PARVA: variants seen among roughly 807,000 people sequenced by gnomAD.
PARVA encodes parvin alpha.
Under a neutral mutation model 52.6 loss-of-function variants are expected in PARVA, and 25 were observed. The ratio of observed to expected loss-of-function variants is 0.48; its 90% CI spans 0.35 to 0.66. The LOEUF (loss-of-function observed/expected upper bound fraction) is 0.66, where lower values mean the gene tolerates loss of function less well. Among genes scored for constraint, PARVA ranks in the 30% least tolerant of loss-of-function variants. PARVA has a pLI of 0.01. For synonymous variants in PARVA, 185 were observed against 179.1 expected (o/e 1.03, Z -0.26); for missense variants, 373 against 450.9 (o/e 0.83, Z 1.56).
At chr11:12,377,920 C>T (rs143569439) in intron 1 of PARVA, 137 bp downstream of exon 1, 4,885 of 320,330 alleles carry the variant, frequency 0.015, 67 homozygotes, top group Non-Finnish European at 0.02. Context: ...TGCGTGCGCG[C>T]GCTTCCCGGG....
chr11:12,467,485 A>G (rs1490297020), intron 1 of PARVA, among the ~76,000 whole-genome samples: 1 of 152,218 alleles, frequency 6.6e-6, no homozygotes, highest in African/African-American at 2.4e-5. Flanking sequence ...TTCTCAACAT[A>G]ATGTATGATG....
At chr11:12,518,380 C>T in intron 11 of PARVA, 65 bp from the exon 12 acceptor site, 5 of 1,262,862 alleles carry the variant, frequency 4.0e-6, no homozygotes, top group Non-Finnish European at 5.8e-6. Context: ...CCTTCACTTC[C>T]CAGGGCCAGG....
intron 1 of PARVA, among the ~76,000 whole-genome samples, chr11:12,391,583 C>T (rs993958048): frequency 7.2e-5 from 11 of 152,186 alleles, no homozygotes; most frequent in East Asian, 3.8e-4. Context: ...TCAGTTTTCA[C>T]GTGAGTGTGG....
intron 1 of PARVA, among the ~76,000 whole-genome samples, chr11:12,453,243 C>T (rs1166566958): frequency 6.6e-6 from 1 of 151,744 alleles, no homozygotes; most frequent in Non-Finnish European, 1.5e-5. Context: ...GTGGGGGTGT[C>T]TGATATTTAG....
intron 1 of PARVA, among the ~76,000 whole-genome samples, chr11:12,384,005 T>C (rs762823436): frequency 1.4e-4 from 21 of 152,094 alleles, no homozygotes; most frequent in Non-Finnish European, 2.6e-4. Flanking sequence ...CTTTCTACCA[T>C]ATCTGGCCAG....
chr11:12,377,539 A>G, upstream of PARVA: 1 of 1,462,454 alleles, frequency 6.8e-7, no homozygotes, highest in Non-Finnish European at 9.1e-7. Flanking sequence ...TGCTTGGAAT[A>G]ATTCCGCTTC....
intron 10 of PARVA, among the ~76,000 whole-genome samples, chr11:12,516,054 G>T (rs1461809165): frequency 6.6e-6 from 1 of 152,154 alleles, no homozygotes; most frequent in African/African-American, 2.4e-5. Context: ...GCCCAGGCCA[G>T]TCTGGAACTC....
intron 1 of PARVA, among the ~76,000 whole-genome samples, chr11:12,424,875 C>T (rs781007755): frequency 6.6e-5 from 10 of 152,170 alleles, no homozygotes; most frequent in Non-Finnish European, 1.2e-4. Context: ...CTAATCATTT[C>T]CCTATGTGCT....
intron 1 of PARVA, among the ~76,000 whole-genome samples, chr11:12,379,298 G>T (rs544144205): frequency 6.6e-6 from 1 of 152,018 alleles, no homozygotes; most frequent in Non-Finnish European, 1.5e-5. Context: ...TAACCTTCTG[G>T]GAATGCAGCC....
intron 1 of PARVA, among the ~76,000 whole-genome samples, chr11:12,383,849 T>A (rs946707283): frequency 1.3e-5 from 2 of 152,210 alleles, no homozygotes; most frequent in East Asian, 3.8e-4. Context: ...AATTTGCATA[T>A]AAGTGGACTC....
chr11:12,421,017 T>TTA, intron 1 of PARVA, among the ~76,000 whole-genome samples: 1 of 70,342 alleles, frequency 1.4e-5, no homozygotes, highest in Non-Finnish European at 3.9e-5. Flanking sequence ...ATGTTAGGAC[T>TTA]TTTTTTTTTT....
chr11:12,504,251 C>G, intron 5 of PARVA, 63 bp from the exon 6 acceptor site: 1 of 903,542 alleles, frequency 1.1e-6, no homozygotes, highest in Non-Finnish European at 1.8e-6. Context: ...CTTTGAACAT[C>G]TGCTTATATT....
chr11:12,476,221 G>A (rs552510626), intron 3 of PARVA, among the ~76,000 whole-genome samples: 5 of 152,260 alleles, frequency 3.3e-5, no homozygotes, highest in East Asian at 3.9e-4. Context: ...GCCCTGGGGT[G>A]CTGACCAAAG....
chr11:12,507,299 G>T (rs1434101480), intron 6 of PARVA, among the ~76,000 whole-genome samples: 1 of 152,136 alleles, frequency 6.6e-6, no homozygotes, highest in Non-Finnish European at 1.5e-5. Context: ...GCATTTGCTT[G>T]GTCAATCGCT....
At chr11:12,517,894 G>T (rs193088890) in intron 11 of PARVA, among the ~76,000 whole-genome samples, 183 bp downstream of exon 11, 1 of 152,272 alleles carries the variant, frequency 6.6e-6, no homozygotes, top group East Asian at 1.9e-4. Flanking sequence ...CAGACCACTG[G>T]GCATCCCTGA....
chr11:12,511,142 A>G (rs573251446), intron 7 of PARVA, among the ~76,000 whole-genome samples: 22 of 152,318 alleles, frequency 1.4e-4, no homozygotes, highest in African/African-American at 5.3e-4. Context: ...ACTCGTAAGA[A>G]TTCTAAGATT....
At chr11:12,448,320 G>A (rs779609173) in intron 1 of PARVA, among the ~76,000 whole-genome samples, 41 of 152,288 alleles carry the variant, frequency 2.7e-4, no homozygotes, top group Non-Finnish European at 3.2e-4. Flanking sequence ...GGGTGCAGCC[G>A]TGATCCTTCT....
At chr11:12,459,241 C>A (rs3045534) in intron 1 of PARVA, among the ~76,000 whole-genome samples, 9,097 of 151,498 alleles carry the variant, frequency 0.06, 940 homozygotes, top group African/African-American at 0.2. Flanking sequence ...GTCTCCACAA[C>A]AAAAAATACA....
intron 1 of PARVA, among the ~76,000 whole-genome samples, chr11:12,465,028 G>A (rs1940836022): frequency 6.6e-6 from 1 of 152,170 alleles, no homozygotes; most frequent in African/African-American, 2.4e-5. Flanking sequence ...GCGCTCCTAT[G>A]AGAATCTAAG....
Sources: gnomAD v4.1 joint callset for allele counts (sites outside exome capture counted in the v4.1 genomes callset) on GRCh38, gnomAD v4.1.1 for gene constraint, MANE v1.5 for transcripts, NCBI Gene and HGNC (gene_info 2026-07-23, HGNC 2026-07-21) for gene names.